UBE2D2: variants seen among roughly 807,000 people sequenced by gnomAD.
The protein encoded by UBE2D2 is ubiquitin conjugating enzyme E2 D2, also known as ubiquitin-conjugating enzyme E2 D2.
Under a neutral mutation model 24.2 loss-of-function variants are expected in UBE2D2, and 2 were observed. That is an observed-to-expected ratio of 0.08 (90% CI 0.03 to 0.26). The LOEUF is 0.26. Among genes scored for constraint, UBE2D2 ranks in the 10% least tolerant of loss-of-function variants. UBE2D2 has a pLI of 1.00. For synonymous variants in UBE2D2, 58 were observed against 56.5 expected (o/e 1.03, Z -0.12); for missense variants, 44 against 177.6 (o/e 0.25, Z 4.28).
chr5:139,608,930 C>T (rs780166418), intron 2 of UBE2D2, among the ~76,000 whole-genome samples: 14 of 151,922 alleles, frequency 9.2e-5, no homozygotes, highest in East Asian at 1.9e-4. Context: ...ACTAAAAATA[C>T]AGCAAAATTA....
intron 1 of UBE2D2, among the ~76,000 whole-genome samples, chr5:139,600,065 T>C (rs1213790838): frequency 6.6e-6 from 1 of 152,250 alleles, no homozygotes; most frequent in Non-Finnish European, 1.5e-5. Context: ...CCCAAAGTGC[T>C]GGGATTACAG....
At chr5:139,572,644 A>C (rs958291977) in intron 1 of UBE2D2, among the ~76,000 whole-genome samples, 10 of 149,310 alleles carry the variant, frequency 6.7e-5, no homozygotes, top group East Asian at 4.0e-4. Flanking sequence ...ATTAATTATT[A>C]TTCTTTTTTT....
intron 1 of UBE2D2, among the ~76,000 whole-genome samples, chr5:139,595,311 A>T (rs981529404): frequency 3.9e-5 from 6 of 152,112 alleles, no homozygotes; most frequent in Admixed American, 6.6e-5. Flanking sequence ...TAGAGATATC[A>T]GTTTTATAGA....
intron 2 of UBE2D2, 114 bp downstream of exon 2, chr5:139,600,549 G>A (rs1364307627): frequency 1.0e-6 from 1 of 970,072 alleles, no homozygotes; most frequent in Non-Finnish European, 1.6e-6. Context: ...CCCATGAAGG[G>A]AGCAACTCTA....
At chr5:139,540,074 T>C in intron 1 of UBE2D2, among the ~76,000 whole-genome samples, 1 of 151,516 alleles carries the variant, frequency 6.6e-6, no homozygotes, top group East Asian at 1.9e-4. Flanking sequence ...CATGCACCAC[T>C]ACGCCTGGCT....
chr5:139,584,849 T>C (rs113955348), intron 1 of UBE2D2, among the ~76,000 whole-genome samples: 330 of 151,790 alleles, frequency 2.2e-3, no homozygotes, highest in Non-Finnish European at 3.5e-3. Flanking sequence ...ACCTTTTTCA[T>C]TCAAGTTCAG....
rs375522236 is a variant in UBE2D2 at position 139,554,545 on chromosome 5, T to C, written c.-64+27933T>C. Among the ~76,000 whole-genome samples, 20 of 152,342 alleles carry C rather than the reference T, an allele frequency of 1.3e-4. No homozygotes were observed. The East Asian group carries it at 2.5e-3, about 19-fold the overall frequency. ...GTTGAGCAGTGTTCCATTGTTTGAA[T>C]GTGTCATAATGTGTTATTCCATCCT... On this transcript the variant is annotated intron_variant, in intron 1 of 6. Coordinates refer to the UBE2D2 transcript ENST00000511725.
intron 1 of UBE2D2, among the ~76,000 whole-genome samples, chr5:139,566,986 A>G (rs923768034): frequency 6.6e-6 from 1 of 152,162 alleles, no homozygotes; most frequent in African/African-American, 2.4e-5. Flanking sequence ...GATTAAAGTA[A>G]CCAGGGATTG....
intron 5 of UBE2D2, among the ~76,000 whole-genome samples, chr5:139,619,650 G>A (rs1307099263): frequency 6.6e-6 from 1 of 152,092 alleles, no homozygotes; most frequent in Non-Finnish European, 1.5e-5. Context: ...GATCACTGAG[G>A]TCGGGAGTTT....
chr5:139,587,453 G>A (rs1300697706), intron 1 of UBE2D2, among the ~76,000 whole-genome samples: 1 of 152,046 alleles, frequency 6.6e-6, no homozygotes, highest in Non-Finnish European at 1.5e-5. Context: ...GGCCGAGATG[G>A]GCAGATCACG....
chr5:139,548,193 A>AAAATAAATAAATAAATAAATAAAT (rs1388715344), intron 1 of UBE2D2, among the ~76,000 whole-genome samples: 2 of 47,106 alleles, frequency 4.2e-5, no homozygotes, highest in South Asian at 1.3e-3. Context: ...ATAAAAAAAA[A>AAAATAAATAAATAAATAAATAAAT]AAATAAATAA....
chr5:139,538,015 A>G lies in UBE2D2; in HGVS notation c.-64+11403A>G, dbSNP rs143582307. Among the ~76,000 whole-genome samples the G allele has an allele frequency of 9.0e-3, 1,362 of 151,616 alleles. 29 individuals are homozygous for G. The highest frequency in any genetic ancestry group is 0.029 in the African/African-American group (1,209 of 41,334). On this transcript the variant is annotated intron_variant, in intron 1 of 6. Coordinates refer to the UBE2D2 transcript ENST00000511725. ...CTATTTTGTTAACCTATGGCATGATACAGTTTTTTTGTTTGTTTGTTTGTT... is the reference window on the plus strand; with the variant it reads ...CTATTTTGTTAACCTATGGCATGATGCAGTTTTTTTGTTTGTTTGTTTGTT...
upstream of UBE2D2, among the ~76,000 whole-genome samples, chr5:139,556,236 CAAA>C (rs572216597): frequency 1.7e-5 from 2 of 117,948 alleles, no homozygotes. Context: ...AACTCCATCT[CAAA>C]AAAAAAAAAA....
intron 1 of UBE2D2, among the ~76,000 whole-genome samples, chr5:139,567,152 T>G (rs542659294): frequency 6.6e-6 from 1 of 152,288 alleles, no homozygotes; most frequent in East Asian, 1.9e-4. Context: ...CAGGCTGGAG[T>G]GCAGTGGCAT....
chr5:139,570,900 T>C (rs1160347961), intron 1 of UBE2D2, among the ~76,000 whole-genome samples: 2 of 152,138 alleles, frequency 1.3e-5, no homozygotes, highest in Non-Finnish European at 2.9e-5. Context: ...GTTTTTTAAG[T>C]GAAAGCAAGT....
At chr5:139,536,095 T>C (rs1468133503) in intron 1 of UBE2D2, among the ~76,000 whole-genome samples, 2 of 151,032 alleles carry the variant, frequency 1.3e-5, no homozygotes, top group African/African-American at 4.8e-5. Context: ...ATTTATTATT[T>C]TATTTATTTA....
At chr5:139,615,984 C>T (rs930544396) in intron 5 of UBE2D2, among the ~76,000 whole-genome samples, 4 of 150,500 alleles carry the variant, frequency 2.7e-5, no homozygotes, top group Non-Finnish European at 5.9e-5. Flanking sequence ...TACAGGCACC[C>T]GCCACCACGC....
intron 1 of UBE2D2, among the ~76,000 whole-genome samples, chr5:139,563,649 C>A (rs1043267843): frequency 1.3e-5 from 2 of 152,210 alleles, no homozygotes; most frequent in South Asian, 4.2e-4. Flanking sequence ...GAAATGTAGA[C>A]CTGCCGGGCG....
At chr5:139,591,811 T>A (rs572838223) in intron 1 of UBE2D2, among the ~76,000 whole-genome samples, 1 of 152,242 alleles carries the variant, frequency 6.6e-6, no homozygotes, top group East Asian at 1.9e-4. Context: ...TAGTAAAAAT[T>A]AAATTGTTTC....
Sources: allele counts gnomAD v4.1 joint callset (sites outside exome capture counted in the v4.1 genomes callset), GRCh38; gene constraint gnomAD v4.1.1; transcripts MANE v1.5; gene names NCBI Gene and HGNC (gene_info 2026-07-23, HGNC 2026-07-21).